Variants in RAB19 observed in about 807,000 individuals in gnomAD.
RAB19 encodes RAB19, member RAS oncogene family, also known as ras-related protein Rab-19.
In RAB19, 21 loss-of-function variants were observed where a neutral mutation model predicts 17.3. That is an observed-to-expected ratio of 1.21 (90% CI 0.86 to 1.74). The LOEUF (loss-of-function observed/expected upper bound fraction) is 1.74, where lower values mean the gene tolerates loss of function less well. Among genes scored for constraint, RAB19 ranks in the 40% most tolerant of loss-of-function variants. The probability of loss-of-function intolerance (pLI) is 0.00; values close to 1 mark genes in which losing one functional copy is unlikely to be tolerated. For missense variants in RAB19, 277 were observed against 286.8 expected (o/e 0.97, Z 0.25); for synonymous variants, 126 against 110.4 (o/e 1.14, Z -0.88).
At chr7:140,413,925 C>T (rs1799411144) in intron 3 of RAB19, among the ~76,000 whole-genome samples, 1 of 152,094 alleles carries the variant, frequency 6.6e-6, no homozygotes, top group African/African-American at 2.4e-5. Context: ...GCGGTTTCCC[C>T]AGGAATGTGG....
chr7:140,408,296 A>G (rs10235144), intron 2 of RAB19, among the ~76,000 whole-genome samples: 93,260 of 151,682 alleles, frequency 0.61, 28,961 homozygotes, highest in East Asian at 0.8. Context: ...ACATGGGAGT[A>G]TTTATTTTCT....
intron 2 of RAB19, 194 bp from the exon 3 acceptor site, chr7:140,411,680 C>T: frequency 7.4e-7 from 1 of 1,344,400 alleles, no homozygotes; most frequent in Non-Finnish European, 9.9e-7. Context: ...GGTCGTTCCC[C>T]AACCAAGGAG....
In RAB19 at chr7:140,411,892, G is replaced by A. The variant is rs1043675447; in HGVS notation, c.220G>A (p.Ala74Thr). The A allele has an allele frequency of 6.2e-7, 1 of 1,614,194 alleles. No individual in the cohort carries two copies. The highest frequency in any genetic ancestry group is 1.3e-5 in the African/African-American group (1 of 75,064). The change falls in exon 3 of 4, where the codon GCT (alanine) becomes ACT (threonine). Residue 74 changes from alanine (A) to threonine (T), a missense_variant. Transcript: ENST00000537763. ...KKVKMQVWDT[A>T]GQERFRTITQ... ...TCTCCAGATGCAGGTGTGGGACACA[G>A]CTGGCCAGGAGCGCTTCCGCACCAT...
At chr7:140,408,027 G>A (rs375059068) in intron 2 of RAB19, among the ~76,000 whole-genome samples, 180 bp downstream of exon 2, 2 of 147,080 alleles carry the variant, frequency 1.4e-5, no homozygotes, top group Admixed American at 7.0e-5. Context: ...ACAGGCGCCC[G>A]CCACCACGCC....
chr7:140,406,704 G>A (rs13237949), intron 1 of RAB19, among the ~76,000 whole-genome samples: 70,501 of 150,948 alleles, frequency 0.47, 16,745 homozygotes, highest in East Asian at 0.71. Flanking sequence ...GGTAAAATAT[G>A]CCATAACATT....
intron 3 of RAB19, among the ~76,000 whole-genome samples, chr7:140,416,955 G>A (rs1585425524): frequency 6.6e-6 from 1 of 152,036 alleles, no homozygotes; most frequent in East Asian, 1.9e-4. Context: ...GCCGGGTGCG[G>A]TGACTCACAC....
rs1799190531 is a variant in RAB19 at position 140,404,073 on chromosome 7, C to T, written c.-168C>T. 1 of 152,198 alleles carries T rather than the reference C, an allele frequency of 6.6e-6. No individual in the cohort carries two copies. The highest frequency in any genetic ancestry group is 1.5e-5 in the Non-Finnish European group (1 of 68,126). 9.4% of individuals were successfully genotyped at this position (152,198 alleles called of 1,614,324 possible). ...CTTTCCTTTCACTTTCTCAGGACGC[C>T]AAACCCGACACCTGGGGCCAGAACT... On this transcript the variant is annotated 5_prime_UTR_variant, in exon 1 of 4. Transcript: ENST00000537763.
intron 3 of RAB19, among the ~76,000 whole-genome samples, chr7:140,424,542 A>AT (rs1271597159): frequency 6.6e-6 from 1 of 150,888 alleles, no homozygotes; most frequent in Admixed American, 6.6e-5. Flanking sequence ...TATACAAGAT[A>AT]TTACCATTGG....
At chr7:140,425,858 T>A (rs747013868) in intron 3 of RAB19, 24 bp from the exon 4 acceptor site, 1 of 1,590,168 alleles carries the variant, frequency 6.3e-7, no homozygotes, top group South Asian at 1.1e-5. Flanking sequence ...CTCAATGGAA[T>A]ATCGGCTTAT....
chr7:140,421,001 T>C (rs1375316494), intron 3 of RAB19, among the ~76,000 whole-genome samples: 1 of 151,806 alleles, frequency 6.6e-6, no homozygotes, highest in Non-Finnish European at 1.5e-5. Context: ...CAAGCAATTC[T>C]CCTGCCTCAG....
At position 140,427,694 on chromosome 7, in the gene RAB19, C is replaced by T. The variant is rs1480002850; in HGVS notation, c.*1544C>T. Among the ~76,000 whole-genome samples the T allele has an allele frequency of 6.6e-6, 1 of 151,962 alleles. No individual in the cohort carries two copies. The highest frequency in any genetic ancestry group is 2.4e-5 in the African/African-American group (1 of 41,380). On this transcript the variant is annotated 3_prime_UTR_variant, in exon 4 of 4. Transcript: ENST00000537763. ...CTCGAACTCCTGACCTCATGATCCA[C>T]CTGTCTCGTGGCCTCCCAAAGTGCT...
In RAB19 at chr7:140,426,078, C is replaced by T. The variant is rs4585665; in HGVS notation, c.582C>T (p.Asn194=). ...SLHLYGESAL[N]GLPLDSSPVL... ...ACCTATATGGGGAGAGTGCCCTGAA[C>T]GGCCTCCCCCTGGACTCCAGCCCCG... Residue 194 remains asparagine (N), a synonymous_variant, in exon 4 of 4, where the codon AAC becomes AAT. Coordinates refer to ENST00000537763, the MANE Select transcript of RAB19 (RefSeq NM_001008749.3). 1.9e-3 allele frequency: 3,074 copies of T among 1,614,160 alleles called. 41 individuals carry two copies. In the African/African-American group the frequency reaches 0.033, roughly 17 times the overall value.
chr7:140,422,456 T>C (rs1328430858), intron 3 of RAB19, among the ~76,000 whole-genome samples: 1 of 152,054 alleles, frequency 6.6e-6, no homozygotes, highest in African/African-American at 2.4e-5. Flanking sequence ...CATTTATACA[T>C]GAGTTTGTTT....
rs1207086674 is a variant in RAB19 at position 140,426,091 on chromosome 7, G to C, written c.595G>C (p.Asp199His). 6.2e-7 allele frequency: 1 copy of C among 1,614,172 alleles called. No individual in the cohort carries two copies. The highest frequency in any genetic ancestry group is 1.1e-5 in the South Asian group (1 of 91,080). ...GESALNGLPLDSSPVLMAQGP... is the reference protein window; with the variant it reads ...GESALNGLPLHSSPVLMAQGP... ...GAGTGCCCTGAACGGCCTCCCCCTG[G>C]ACTCCAGCCCCGTTCTTATGGCCCA... The change falls in exon 4 of 4, where the codon GAC becomes CAC. Residue 199 changes from aspartate to histidine, a missense_variant. By Grantham distance (81) the Asp-to-His change is moderately conservative. Coordinates refer to ENST00000537763, the MANE Select transcript of RAB19 (RefSeq NM_001008749.3).
At chr7:140,409,528 C>G (rs1359837846) in intron 2 of RAB19, among the ~76,000 whole-genome samples, 2 of 151,796 alleles carry the variant, frequency 1.3e-5, no homozygotes, top group Admixed American at 1.3e-4. Context: ...AACCCCATCT[C>G]TACTAAAAAT....
rs1408609808 is a variant in RAB19 at position 140,426,464 on chromosome 7, T to C, written c.*314T>C. 2.6e-5 allele frequency among the ~76,000 whole-genome samples: 4 copies of C among 152,214 alleles called. No individual in the cohort carries two copies. The highest frequency in any genetic ancestry group is 1.3e-4 in the Admixed American group (2 of 15,278). On this transcript the variant is annotated 3_prime_UTR_variant, in exon 4 of 4. Coordinates refer to ENST00000537763, the MANE Select transcript of RAB19 (RefSeq NM_001008749.3). The stretch of plus-strand genomic sequence containing the variant: ...TTCACTTTTCTGTCTCCCTAGAGCT[T>C]CTGCTGCTTTCTACTGAATTTTGTT...
In RAB19 at chr7:140,426,188, G is replaced by A. The variant is rs527407531; in HGVS notation, c.*38G>A. The A allele has an allele frequency of 6.9e-6, 11 of 1,591,252 alleles. No homozygotes were observed. The highest frequency in any genetic ancestry group is 2.3e-5 in the South Asian group (2 of 88,240). On this transcript the variant is annotated 3_prime_UTR_variant, in exon 4 of 4. Coordinates refer to ENST00000537763, the MANE Select transcript of RAB19 (RefSeq NM_001008749.3). ...GCCAGTTGCACCCACCAAAGAGGCC[G>A]CCTCTGAAACCAAAGGTAGCCAGGA...
intron 3 of RAB19, among the ~76,000 whole-genome samples, chr7:140,415,158 T>C (rs914059774): frequency 1.3e-5 from 2 of 151,330 alleles, no homozygotes; most frequent in Non-Finnish European, 2.9e-5. Context: ...CACTGCAACC[T>C]CCACCACCCG....
intron 3 of RAB19, among the ~76,000 whole-genome samples, chr7:140,422,275 G>C (rs541163527): frequency 6.6e-6 from 1 of 152,178 alleles, no homozygotes; most frequent in African/African-American, 2.4e-5. Context: ...TGTAATCCCA[G>C]CTACTCGGGA....
Sources: allele counts gnomAD v4.1 joint callset (sites outside exome capture counted in the v4.1 genomes callset), GRCh38; gene constraint gnomAD v4.1.1; transcripts MANE v1.5; gene names NCBI Gene and HGNC (gene_info 2026-07-23, HGNC 2026-07-21).